Variants in RPS6KA2 observed in about 807,000 individuals in gnomAD.
RPS6KA2 encodes the protein ribosomal protein S6 kinase alpha-2.
RPS6KA2 carries 42 observed loss-of-function variants against 91.8 expected under a neutral mutation model. The ratio of observed to expected loss-of-function variants is 0.46; its 90% CI spans 0.36 to 0.59. RPS6KA2 has a LOEUF of 0.59. RPS6KA2 is among the 20% of genes least tolerant of loss of function. RPS6KA2 has a pLI of 0.00. For missense variants in RPS6KA2, 798 were observed against 978.5 expected (o/e 0.82, Z 2.46); for synonymous variants, 414 against 393.6 (o/e 1.05, Z -0.61).
At chr6:166,552,162 T>A (rs1028814896) in intron 1 of RPS6KA2, among the ~76,000 whole-genome samples, 3 of 152,186 alleles carry the variant, frequency 2.0e-5, no homozygotes, top group African/African-American at 7.2e-5. Context: ...GGGCTGTGCA[T>A]GGATTAAATA....
chr6:166,647,715 G>A (rs1026054132), intron 2 of RPS6KA2, among the ~76,000 whole-genome samples: 3 of 152,048 alleles, frequency 2.0e-5, no homozygotes, highest in Non-Finnish European at 4.4e-5. Context: ...GTTTTTCCAG[G>A]AGGCTTCCTA....
chr6:166,776,455 A>G (rs1778622306), intron 2 of RPS6KA2, among the ~76,000 whole-genome samples: 1 of 152,106 alleles, frequency 6.6e-6, no homozygotes, highest in African/African-American at 2.4e-5. Flanking sequence ...TCACACAACA[A>G]AATTGATCGT....
chr6:166,417,677 T>TG (rs1778585338), intron 19 of RPS6KA2, among the ~76,000 whole-genome samples: 1 of 152,052 alleles, frequency 6.6e-6, no homozygotes, highest in African/African-American at 2.4e-5. Flanking sequence ...TTTGTTTCTT[T>TG]GGAGAACCCT....
At chr6:166,736,092 A>C (rs1562408386) in intron 2 of RPS6KA2, among the ~76,000 whole-genome samples, 1 of 152,250 alleles carries the variant, frequency 6.6e-6, no homozygotes, top group East Asian at 1.9e-4. Context: ...CACCTAAGTA[A>C]GGCTGAACAT....
chr6:166,511,036 T>A (rs1000710116), intron 3 of RPS6KA2, among the ~76,000 whole-genome samples: 1 of 152,132 alleles, frequency 6.6e-6, no homozygotes, highest in South Asian at 2.1e-4. Context: ...CGTGATAAGA[T>A]TGGGGCTAAA....
intron 1 of RPS6KA2, among the ~76,000 whole-genome samples, chr6:166,543,953 A>G (rs1260468252): frequency 3.3e-5 from 5 of 152,230 alleles, no homozygotes; most frequent in Non-Finnish European, 7.3e-5. Context: ...AAGTGGGGCA[A>G]GAGGTCTGCC....
At chr6:166,814,275 A>G (rs1268391422) in intron 2 of RPS6KA2, among the ~76,000 whole-genome samples, 4 of 152,270 alleles carry the variant, frequency 2.6e-5, no homozygotes, top group Admixed American at 2.0e-4. Flanking sequence ...TATTTTAAAA[A>G]TCTAATTTAA....
intron 1 of RPS6KA2, among the ~76,000 whole-genome samples, chr6:166,541,577 T>C (rs537080387): frequency 1.3e-5 from 2 of 152,302 alleles, no homozygotes; most frequent in East Asian, 3.9e-4. Flanking sequence ...AGAATTCCCA[T>C]GGGTGTTCCC....
intron 2 of RPS6KA2, among the ~76,000 whole-genome samples, chr6:166,703,406 T>G (rs1789587473): frequency 6.6e-6 from 1 of 152,254 alleles, no homozygotes; most frequent in Non-Finnish European, 1.5e-5. Context: ...CAATTAACAT[T>G]AGCTGAGACT....
At chr6:166,580,595 T>C (rs1784973982) in intron 1 of RPS6KA2, among the ~76,000 whole-genome samples, 1 of 152,360 alleles carries the variant, frequency 6.6e-6, no homozygotes, top group African/African-American at 2.4e-5. Context: ...CTCTGGATTG[T>C]ACCCAGTCCA....
At chr6:166,550,933 G>A (rs62440475) in intron 1 of RPS6KA2, among the ~76,000 whole-genome samples, 3,303 of 145,548 alleles carry the variant, frequency 0.023, 44 homozygotes, top group Middle Eastern at 0.048. Flanking sequence ...CCTGGGAGGC[G>A]GAGGTTGCAG....
intron 1 of RPS6KA2, among the ~76,000 whole-genome samples, chr6:166,541,691 C>T (rs1355413488): frequency 6.6e-6 from 1 of 152,220 alleles, no homozygotes; most frequent in African/African-American, 2.4e-5. Context: ...ATGCCACACC[C>T]CCACCTCCGT....
chr6:166,628,929 C>T (rs1007774251), upstream of RPS6KA2, among the ~76,000 whole-genome samples: 2 of 152,212 alleles, frequency 1.3e-5, no homozygotes, highest in African/African-American at 4.8e-5. Context: ...CACCAAACAC[C>T]ACTTTTTGCT....
chr6:166,768,422 G>T (rs1024922573), intron 2 of RPS6KA2, among the ~76,000 whole-genome samples: 1 of 152,206 alleles, frequency 6.6e-6, no homozygotes, highest in Non-Finnish European at 1.5e-5. Flanking sequence ...TGACCGCTGT[G>T]TTAGTGCCAC....
chr6:166,574,854 T>G (rs535564328), intron 1 of RPS6KA2, among the ~76,000 whole-genome samples: 1 of 152,310 alleles, frequency 6.6e-6, no homozygotes, highest in East Asian at 1.9e-4. Flanking sequence ...AATATCTGAC[T>G]AGGTTCTATA....
In RPS6KA2 at chr6:166,706,164, G is replaced by C. The variant is rs535330528; in HGVS notation, c.123+152036C>G. On this transcript the variant is annotated intron_variant, in intron 2 of 21. Transcript: ENST00000503859. ...CGTTTTTCATTACAGCATCCCAAAT[G>C]GACTAACACACCTGCAATAACCAAT... Among the ~76,000 whole-genome samples, 27 of 152,264 alleles carry C rather than the reference G, an allele frequency of 1.8e-4. No homozygotes were observed. In the South Asian group the frequency reaches 4.6e-3, roughly 26 times the overall value.
chr6:166,637,233 G>A (rs951042880), intron 2 of RPS6KA2, among the ~76,000 whole-genome samples: 2 of 152,234 alleles, frequency 1.3e-5, no homozygotes, highest in African/African-American at 2.4e-5. Flanking sequence ...CCCTGTCCGC[G>A]CAAGGCTTGT....
intron 10 of RPS6KA2, among the ~76,000 whole-genome samples, chr6:166,485,764 G>A (rs1393877256): frequency 1.3e-5 from 2 of 152,170 alleles, no homozygotes; most frequent in East Asian, 1.9e-4. Context: ...ACCCAGATTT[G>A]GGAAAACTGC....
intron 2 of RPS6KA2, among the ~76,000 whole-genome samples, chr6:166,710,510 GGT>G (rs1401886585): frequency 7.8e-4 from 108 of 138,106 alleles, no homozygotes; most frequent in African/African-American, 1.5e-3. Flanking sequence ...GTGTGTGTGT[GGT>G]GTGTGTGTGT....
Sources: gnomAD v4.1 joint callset for allele counts (sites outside exome capture counted in the v4.1 genomes callset) on GRCh38, gnomAD v4.1.1 for gene constraint, MANE v1.5 for transcripts, NCBI Gene and HGNC (gene_info 2026-07-23, HGNC 2026-07-21) for gene names.